Variants in FNTB observed in about 807,000 individuals in gnomAD.
FNTB encodes protein farnesyltransferase subunit beta.
In FNTB, 27 loss-of-function variants were observed where a neutral mutation model predicts 59.4. The ratio of observed to expected loss-of-function variants is 0.45; its 90% confidence interval spans 0.34 to 0.63. The LOEUF is 0.63. FNTB is among the 20% of genes least tolerant of loss of function. The probability of loss-of-function intolerance (pLI) is 0.02; values close to 1 mark genes in which losing one functional copy is unlikely to be tolerated. For synonymous variants in FNTB, 230 were observed against 220.7 expected (o/e 1.04, Z -0.37); for missense variants, 449 against 559.6 (o/e 0.80, Z 1.99).
intron 4 of FNTB, among the ~76,000 whole-genome samples, chr14:65,016,016 A>G (rs1012680822): frequency 6.6e-6 from 1 of 152,204 alleles, no homozygotes; most frequent in African/African-American, 2.4e-5. Context: ...CAACTCTGAG[A>G]GACAAGATTT....
At chr14:65,036,155 G>A (rs2062186552) in intron 7 of FNTB, among the ~76,000 whole-genome samples, 1 of 152,040 alleles carries the variant, frequency 6.6e-6, no homozygotes, top group Non-Finnish European at 1.5e-5. Flanking sequence ...TTAGCTTTGT[G>A]CTTGGACAAG....
intron 11 of FNTB, among the ~76,000 whole-genome samples, chr14:65,055,507 T>A: frequency 6.6e-6 from 1 of 152,270 alleles, no homozygotes; most frequent in South Asian, 2.1e-4. Flanking sequence ...TAAAAAAATT[T>A]TTTTTTTAAT....
intron 7 of FNTB, among the ~76,000 whole-genome samples, chr14:65,033,008 C>T (rs1232744306): frequency 3.9e-5 from 6 of 152,050 alleles, no homozygotes; most frequent in African/African-American, 1.4e-4. Flanking sequence ...TGCGTAGGAC[C>T]CAGTAATTCC....
chr14:65,033,653 C>T (rs931000527), intron 7 of FNTB, among the ~76,000 whole-genome samples: 7 of 152,146 alleles, frequency 4.6e-5, no homozygotes, highest in Admixed American at 2.0e-4. Context: ...GTCAGGAAAT[C>T]GAGACCATCC....
Position 65,027,188 on chromosome 14 carries a change from G to A in FNTB, c.375-265G>A, listed in dbSNP as rs1276052765. ...TCTTACCCCATAGCTACGAAAGTCG[G>A]TTTCTTCCCAGCCTTGTGTTCCCTG... is the stretch of plus-strand genomic sequence containing the variant. On this transcript the variant is annotated intron_variant, in intron 4 of 11. Coordinates refer to ENST00000246166, the MANE Select transcript of FNTB (RefSeq NM_002028.4). The surrounding 1 kb of genome is among the most constrained non-coding windows in gnomAD (Gnocchi z 5.7). Among the ~76,000 whole-genome samples, 1 of 152,214 alleles carries A rather than the reference G, an allele frequency of 6.6e-6. No individual in the cohort carries two copies. The highest frequency in any genetic ancestry group is 1.9e-4 in the East Asian group (1 of 5,198).
intron 3 of FNTB, 112 bp from the exon 4 acceptor site, chr14:65,015,513 G>T: frequency 3.3e-6 from 3 of 917,132 alleles, no homozygotes; most frequent in Non-Finnish European, 4.9e-6. Context: ...TTGAGCAAGG[G>T]TGCCCTCCTC....
intron 2 of FNTB, chr14:65,006,110 A>G (rs2139485587): frequency 6.3e-7 from 1 of 1,588,176 alleles, no homozygotes. Flanking sequence ...ACTTCTGCTT[A>G]CTGGAACATT....
intron 7 of FNTB, among the ~76,000 whole-genome samples, chr14:65,037,756 ATTTAT>A (rs2062243343): frequency 2.4e-5 from 3 of 126,606 alleles, no homozygotes; most frequent in African/African-American, 9.6e-5. Flanking sequence ...TTATTTATTT[ATTTAT>A]TTATTTATTT....
chr14:65,061,386 C>T lies in FNTB; in HGVS notation c.*74C>T. On this transcript the variant is annotated 3_prime_UTR_variant, in exon 12 of 12. Transcript: ENST00000246166. ...CAAGGTTTATACGTTTCAATACATA[C>T]TGCATTCTGTGCTACACAAGCCTTA... 6.3e-7 allele frequency: 1 copy of T among 1,594,524 alleles called. No individual in the cohort carries two copies. The highest frequency in any genetic ancestry group is 1.3e-5 in the African/African-American group (1 of 74,598).
chr14:65,032,467 A>C lies in FNTB; in HGVS notation c.606-143A>C. On this transcript the variant is annotated intron_variant, in intron 6 of 11. Coordinates refer to ENST00000246166, the MANE Select transcript of FNTB (RefSeq NM_002028.4). The surrounding 1 kb of genome is among the most constrained non-coding windows in gnomAD (Gnocchi z 5.0). ...TGTCACACCTCTCAGTTGGAGACCC[A>C]GGAGGACTGACCGTGTGCCAAGAGT... is the stretch of plus-strand genomic sequence containing the variant. 1.3e-6 allele frequency: 1 copy of C among 740,922 alleles called. No homozygotes were observed. The allele number at this position is 740,922 out of a possible 1,614,324, so 45.9% of individuals were successfully genotyped here.
intron 2 of FNTB, among the ~76,000 whole-genome samples, chr14:65,005,657 T>C (rs2061576696): frequency 6.6e-6 from 1 of 151,818 alleles, no homozygotes; most frequent in African/African-American, 2.4e-5. Flanking sequence ...CCCTGCCCTG[T>C]CTTGCCCTGT....
rs187352963 is a variant in FNTB at position 65,021,582 on chromosome 14, C to T, written c.374+5866C>T. ...GTGCTGCTAAATATCCTCTACAGGACGGTCCCTGCACCAAAGAATTACTGA... is the reference window on the plus strand; with the variant it reads ...GTGCTGCTAAATATCCTCTACAGGATGGTCCCTGCACCAAAGAATTACTGA... On this transcript the variant is annotated intron_variant, in intron 4 of 11. Coordinates refer to ENST00000246166, the MANE Select transcript of FNTB (RefSeq NM_002028.4). Among the ~76,000 whole-genome samples the T allele has an allele frequency of 5.9e-5, 9 of 152,240 alleles. No individual in the cohort carries two copies. In the East Asian group the frequency reaches 9.7e-4, roughly 16 times the overall value.
chr14:65,037,658 G>C (rs1455623159), intron 7 of FNTB, among the ~76,000 whole-genome samples: 2 of 149,454 alleles, frequency 1.3e-5, no homozygotes, highest in Admixed American at 6.7e-5. Context: ...CTCCTGGGCT[G>C]ACGTAATCCT....
intron 1 of FNTB, among the ~76,000 whole-genome samples, chr14:64,993,588 A>G (rs943288904): frequency 3.9e-5 from 6 of 152,242 alleles, no homozygotes; most frequent in Non-Finnish European, 7.3e-5. Context: ...TATTTCATAT[A>G]TTAAATGACT....
In FNTB at chr14:65,060,621, G is replaced by T. The variant is rs1340659299; in HGVS notation, c.1183-560G>T. Among the ~76,000 whole-genome samples, 5 of 102,868 alleles carry T rather than the reference G, an allele frequency of 4.9e-5. No homozygotes were observed. In the East Asian group the frequency reaches 1.5e-3, roughly 31 times the overall value. The allele number at this position is 102,868 out of a possible 152,430, so 67.5% of individuals were successfully genotyped here. On this transcript the variant is annotated intron_variant, in intron 11 of 11. Coordinates refer to ENST00000246166, the MANE Select transcript of FNTB (RefSeq NM_002028.4). The stretch of plus-strand genomic sequence containing the variant: ...TGAGGCAGGAGAATGGCGTGAACCC[G>T]GGAGGCGGAGCTTGCAGTGAGCCGA...
Position 65,011,745 on chromosome 14 carries a change from G to A in FNTB, c.210-572G>A, listed in dbSNP as rs898903888. Among the ~76,000 whole-genome samples the A allele has an allele frequency of 6.6e-6, 1 of 152,204 alleles. No individual in the cohort carries two copies. Among genetic ancestry groups the A allele is most frequent in the Non-Finnish European group, 1.5e-5 (1 of 68,028 alleles). ...TGCTGACTTGAAAGCCAAGGACAGC[G>A]ACTGGCTGCAGAACACGGTCCTCTG... On this transcript the variant is annotated intron_variant, in intron 2 of 11. Coordinates refer to ENST00000246166, the MANE Select transcript of FNTB (RefSeq NM_002028.4). This position sits in a 1 kb window ranked among gnomAD's most constrained non-coding sequence, Gnocchi z 4.0.
intron 7 of FNTB, among the ~76,000 whole-genome samples, chr14:65,039,423 T>G (rs1049488934): frequency 7.2e-5 from 11 of 152,228 alleles, no homozygotes; most frequent in Non-Finnish European, 1.6e-4. Flanking sequence ...CCTCTGAAAC[T>G]TCCCATCTTC....
rs943576295 is a variant in FNTB, at chr14:65,009,269, A to G, written c.210-3048A>G. Among the ~76,000 whole-genome samples, 2 of 152,170 alleles carry G rather than the reference A, an allele frequency of 1.3e-5. No homozygotes were observed. Among genetic ancestry groups the G allele is most frequent in the African/African-American group, 4.8e-5 (2 of 41,430 alleles). On this transcript the variant is annotated intron_variant, in intron 2 of 11. Transcript: ENST00000246166. This position sits in a 1 kb window ranked among gnomAD's most constrained non-coding sequence, Gnocchi z 4.2. The stretch of plus-strand genomic sequence containing the variant: ...TTCTGGAGGCCAGAAGTCTAAGACC[A>G]AGGTGTCAGCAGGCTTGGTTTCTCC...
Position 65,008,700 on chromosome 14 carries a change from G to A in FNTB, c.210-3617G>A, listed in dbSNP as rs111720816. ...CTAAAGCCAGGAGACTGAAAGGAGC[G>A]GAGCTCAAAGAAGGCAGCATGACCA... On this transcript the variant is annotated intron_variant, in intron 2 of 11. Coordinates refer to ENST00000246166, the MANE Select transcript of FNTB (RefSeq NM_002028.4). Among the ~76,000 whole-genome samples, 35 of 152,328 alleles carry A rather than the reference G, an allele frequency of 2.3e-4. 1 individual carries two copies. The South Asian group carries it at 5.0e-3, about 22-fold the overall frequency.
Sources: gnomAD v4.1 joint callset for allele counts (sites outside exome capture counted in the v4.1 genomes callset) on GRCh38, gnomAD v4.1.1 for gene constraint, Gnocchi (gnomAD v3.1) non-coding constraint, MANE v1.5 for transcripts, NCBI Gene and HGNC (gene_info 2026-07-23, HGNC 2026-07-21) for gene names.